The following ROBO2 variants were observed in gnomAD, a reference collection of about 807,000 sequenced individuals.
The protein encoded by ROBO2 is roundabout guidance receptor 2, also known as roundabout homolog 2.
Under a neutral mutation model 160.8 loss-of-function variants are expected in ROBO2, and 53 were observed. That is an observed-to-expected ratio of 0.33 (90% CI 0.26 to 0.41). The LOEUF is 0.41. ROBO2 is among the 10% of genes least tolerant of loss of function. ROBO2 has a pLI of 1.00. For synonymous variants in ROBO2, 664 were observed against 611.7 expected (o/e 1.09, Z -1.26); for missense variants, 1,577 against 1,722.4 (o/e 0.92, Z 1.49).
chr3:76,836,476 G>A (rs532649772), intron 2 of ROBO2, among the ~76,000 whole-genome samples: 2 of 149,914 alleles, frequency 1.3e-5, no homozygotes, highest in African/African-American at 4.9e-5. Context: ...AAAGACTTTG[G>A]GGGGGCAGGA....
chr3:77,293,869 T>A (rs1191379136), intron 2 of ROBO2, among the ~76,000 whole-genome samples: 1 of 124,474 alleles, frequency 8.0e-6, no homozygotes, highest in Non-Finnish European at 1.6e-5. Flanking sequence ...TCACCCCAGA[T>A]GTAAAGTAAA....
intron 2 of ROBO2, among the ~76,000 whole-genome samples, chr3:76,039,249 A>G (rs980262475): frequency 5.3e-5 from 8 of 151,920 alleles, no homozygotes; most frequent in Non-Finnish European, 1.0e-4. Flanking sequence ...GAAGAGGGAA[A>G]TACAGAGTTG....
intron 2 of ROBO2, among the ~76,000 whole-genome samples, chr3:77,229,423 C>CACCA (rs1197726525): frequency 6.6e-6 from 1 of 151,796 alleles, no homozygotes; most frequent in Non-Finnish European, 1.5e-5. Context: ...TGGCTCATGC[C>CACCA]TGTAATCTTA....
chr3:76,871,496 G>C (rs560474011), intron 2 of ROBO2, among the ~76,000 whole-genome samples: 57 of 148,852 alleles, frequency 3.8e-4, no homozygotes, highest in Admixed American at 7.4e-4. Flanking sequence ...GGAGCTTGCA[G>C]TGAGCCGAGA....
At chr3:76,887,491 G>C (rs1177490933) in intron 2 of ROBO2, among the ~76,000 whole-genome samples, 1 of 152,066 alleles carries the variant, frequency 6.6e-6, no homozygotes, top group African/African-American at 2.4e-5. Context: ...GTGCATCAAG[G>C]GGGTTGTGCG....
chr3:76,304,807 T>TCTCTTTCTTC (rs1559737345), intron 2 of ROBO2, among the ~76,000 whole-genome samples: 160 of 151,148 alleles, frequency 1.1e-3, no homozygotes, highest in African/African-American at 3.9e-3. Flanking sequence ...TCTCTTTCTT[T>TCTCTTTCTTC]TTTTTTGTCT....
intron 2 of ROBO2, among the ~76,000 whole-genome samples, chr3:76,126,458 T>TA (rs2070993409): frequency 6.6e-6 from 1 of 152,102 alleles, no homozygotes; most frequent in Admixed American, 6.5e-5. Flanking sequence ...TAATGAGGCA[T>TA]ACCTGTACAA....
At chr3:77,605,039 G>A (rs758394620) in intron 20 of ROBO2, among the ~76,000 whole-genome samples, 19 of 151,434 alleles carry the variant, frequency 1.3e-4, no homozygotes, top group Non-Finnish European at 2.2e-4. Flanking sequence ...GGTGGCACTC[G>A]ACTGTATTCC....
intron 2 of ROBO2, among the ~76,000 whole-genome samples, chr3:75,984,202 C>A (rs148661034): frequency 1.5e-4 from 22 of 151,642 alleles, no homozygotes; most frequent in African/African-American, 4.8e-4. Flanking sequence ...CACTGTCAAG[C>A]AGCCACATAT....
intron 2 of ROBO2, among the ~76,000 whole-genome samples, chr3:77,339,696 A>G (rs1269165283): frequency 1.3e-5 from 2 of 152,030 alleles, no homozygotes; most frequent in Non-Finnish European, 2.9e-5. Flanking sequence ...TAGAACTAAA[A>G]CATACATCTA....
intron 2 of ROBO2, among the ~76,000 whole-genome samples, chr3:77,471,994 T>C (rs2083400697): frequency 6.6e-6 from 1 of 152,182 alleles, no homozygotes; most frequent in Non-Finnish European, 1.5e-5. Context: ...ACAGCATCTT[T>C]AGGTAGACAG....
chr3:77,493,095 A>G (rs911321965), intron 4 of ROBO2, 149 bp from the exon 5 acceptor site: 1 of 734,800 alleles, frequency 1.4e-6, no homozygotes, highest in African/African-American at 1.8e-5. Flanking sequence ...CATTGGATTC[A>G]CAAGGCCTTA....
At chr3:76,980,112 T>C (rs2060020192) in intron 2 of ROBO2, among the ~76,000 whole-genome samples, 1 of 152,198 alleles carries the variant, frequency 6.6e-6, no homozygotes. Context: ...CTTAGTAAAA[T>C]GGCACAGGAA....
At chr3:75,980,402 C>G (rs1433768136) in intron 2 of ROBO2, among the ~76,000 whole-genome samples, 2 of 151,490 alleles carry the variant, frequency 1.3e-5, no homozygotes, top group African/African-American at 2.4e-5. Context: ...GACTTTCAGT[C>G]TGAGCCAAAT....
At chr3:76,038,675 C>G (rs2067190077) in intron 2 of ROBO2, among the ~76,000 whole-genome samples, 2 of 151,848 alleles carry the variant, frequency 1.3e-5, no homozygotes, top group African/African-American at 4.9e-5. Context: ...GCTATTGATC[C>G]CAAGAGAATT....
At position 77,222,657 on chromosome 3, in the gene ROBO2, C is replaced by A. The variant is rs184449470; in HGVS notation, c.388+124317C>A. 2.4e-4 allele frequency among the ~76,000 whole-genome samples: 36 copies of A among 152,280 alleles called. No homozygotes were observed. In the East Asian group the frequency reaches 6.2e-3, roughly 26 times the overall value. On this transcript the variant is annotated intron_variant, in intron 2 of 25. Transcript: ENST00000461745. The stretch of plus-strand genomic sequence containing the variant: ...TGTTCAAAAACTATATCTTCATATG[C>A]AAGCATTTACTATAAAACTTTTCTT...
chr3:75,978,392 A>G (rs545751703), intron 2 of ROBO2, among the ~76,000 whole-genome samples: 209 of 151,612 alleles, frequency 1.4e-3, no homozygotes, highest in African/African-American at 3.4e-3. Flanking sequence ...TAGTATTTCA[A>G]ACTTCAAGAT....
chr3:77,017,086 G>A (rs1242429137), intron 2 of ROBO2, among the ~76,000 whole-genome samples: 1 of 152,138 alleles, frequency 6.6e-6, no homozygotes, highest in East Asian at 1.9e-4. Context: ...CTTACCATAT[G>A]TCCTTATCAA....
exon 20 of ROBO2, chr3:77,602,378 T>A: frequency 6.2e-7 from 1 of 1,614,106 alleles, no homozygotes; most frequent in Non-Finnish European, 8.5e-7. Context: ...TCCAACAGCA[T>A]ACATGAATTG....
Sources: gnomAD v4.1 joint callset for allele counts (sites outside exome capture counted in the v4.1 genomes callset) on GRCh38, gnomAD v4.1.1 for gene constraint, MANE v1.5 for transcripts, NCBI Gene and HGNC (gene_info 2026-07-23, HGNC 2026-07-21) for gene names.